The following OPA1 variants were observed in gnomAD, a reference collection of about 807,000 sequenced individuals.
OPA1 encodes the protein OPA1 mitochondrial dynamin like GTPase.
OPA1 carries 59 observed loss-of-function variants against 152.9 expected under a neutral mutation model. The ratio of observed to expected loss-of-function variants is 0.39; its 90% CI spans 0.31 to 0.48. The LOEUF is 0.48. Ranked by LOEUF, OPA1 falls within the 20% of genes least tolerant of loss-of-function variation. The pLI, the probability that OPA1 is intolerant of heterozygous loss-of-function variation, is 0.96. For synonymous variants in OPA1, 400 were observed against 389.9 expected (o/e 1.03, Z -0.31); for missense variants, 1,008 against 1,216.8 (o/e 0.83, Z 2.55).
At chr3:193,607,366 C>T (rs1727452419) in intron 1 of OPA1, among the ~76,000 whole-genome samples, 1 of 152,136 alleles carries the variant, frequency 6.6e-6, no homozygotes, top group Admixed American at 6.5e-5. Context: ...AATGGTATTG[C>T]CTAGGTTTTC....
chr3:193,619,855 TCTTTC>T (rs761771141), intron 6 of OPA1, among the ~76,000 whole-genome samples: 3 of 152,228 alleles, frequency 2.0e-5, no homozygotes, highest in Non-Finnish European at 2.9e-5. Flanking sequence ...GGTTTTCATC[TCTTTC>T]CTTGTTCTTC....
At chr3:193,619,049 C>T (rs1231461253) in intron 6 of OPA1, 113 bp downstream of exon 6, 1 of 835,100 alleles carries the variant, frequency 1.2e-6, no homozygotes, top group African/African-American at 1.7e-5. Flanking sequence ...ACAAAAACAT[C>T]CAAGTAGAGA....
intron 1 of OPA1, among the ~76,000 whole-genome samples, chr3:193,609,684 G>A (rs943312560): frequency 4.6e-5 from 7 of 152,164 alleles, no homozygotes; most frequent in Non-Finnish European, 7.3e-5. Context: ...CCAATCAGAC[G>A]TAGATTTGGT....
Position 193,658,937 on chromosome 3 carries a change from G to A in OPA1, c.2382G>A (p.Gln794=), listed in dbSNP as rs1714568963. The A allele has an allele frequency of 9.3e-6, 15 of 1,613,962 alleles. No homozygotes were observed. The highest frequency in any genetic ancestry group is 1.3e-5 in the African/African-American group (1 of 75,046). Residue 794 remains glutamine (Q), a synonymous_variant, in exon 24 of 31, where the codon CAG becomes CAA. Coordinates refer to ENST00000361510, the MANE Select transcript of OPA1 (RefSeq NM_130837.3). ...ALEDRSISDK[Q]QWDAAIYFME... ...AAGACCGATCCATATCTGATAAACA[G>A]CAATGGGATGCAGCTATTTATTTTA...
chr3:193,676,941 A>G (rs1421316713), intron 29 of OPA1, among the ~76,000 whole-genome samples: 4 of 139,316 alleles, frequency 2.9e-5, no homozygotes, highest in South Asian at 4.6e-4. Flanking sequence ...AGATCGCGCC[A>G]CTGCACTCCA....
intron 11 of OPA1, among the ~76,000 whole-genome samples, chr3:193,641,462 G>A (rs1005118928): frequency 7.8e-4 from 1 of 1,284 alleles, no homozygotes; most frequent in African/African-American, 3.9e-3. Context: ...GTAGGGTTTT[G>A]TTTTGTTTTG....
intron 21 of OPA1, among the ~76,000 whole-genome samples, chr3:193,654,355 G>A (rs981692963): frequency 6.6e-6 from 1 of 151,632 alleles, no homozygotes; most frequent in African/African-American, 2.4e-5. Flanking sequence ...AATTAGCCAG[G>A]CATAATGGCG....
At chr3:193,674,694 A>G (rs1208151685) in intron 29 of OPA1, among the ~76,000 whole-genome samples, 2 of 152,226 alleles carry the variant, frequency 1.3e-5, no homozygotes, top group Admixed American at 6.5e-5. Flanking sequence ...GAAAACATCA[A>G]GGTACCCTGG....
intron 6 of OPA1, among the ~76,000 whole-genome samples, chr3:193,622,554 C>T (rs546423083): frequency 6.6e-6 from 1 of 152,108 alleles, no homozygotes; most frequent in East Asian, 1.9e-4. Flanking sequence ...TTATGTTGTA[C>T]CTCCCCAGCT....
In OPA1 at chr3:193,653,477, GT is replaced by G. The variant is rs964660383; in HGVS notation, c.2013-1375del. Among the ~76,000 whole-genome samples the G allele has an allele frequency of 5.0e-4, 74 of 148,356 alleles. 1 individual carries two copies. The highest frequency in any genetic ancestry group is 9.4e-4 in the Admixed American group (14 of 14,836). On this transcript the variant is annotated intron_variant, in intron 21 of 30. Coordinates refer to ENST00000361510, the MANE Select transcript of OPA1 (RefSeq NM_130837.3). ...TAAGAAGGATCCCCTGATAAGCAGA[GT>G]TTTTTTTTTATATTGTAGTATTCTA... is the stretch of plus-strand genomic sequence containing the variant.
chr3:193,620,971 G>T (rs1254335637), intron 6 of OPA1, among the ~76,000 whole-genome samples: 1 of 152,162 alleles, frequency 6.6e-6, no homozygotes, highest in Non-Finnish European at 1.5e-5. Context: ...TGAAAATGTG[G>T]GCAATAATCA....
chr3:193,656,625 C>T (rs1384759276), intron 22 of OPA1, among the ~76,000 whole-genome samples: 2 of 152,142 alleles, frequency 1.3e-5, no homozygotes, highest in Non-Finnish European at 2.9e-5. Flanking sequence ...CAGTCAGACT[C>T]ATGTCTTAGA....
chr3:193,636,988 G>A (rs763292748), intron 9 of OPA1, among the ~76,000 whole-genome samples: 2 of 151,944 alleles, frequency 1.3e-5, no homozygotes, highest in African/African-American at 2.4e-5. Flanking sequence ...TTAAATCATT[G>A]TATCTAAATA....
chr3:193,681,702 G>T (rs1720160900), intron 29 of OPA1, among the ~76,000 whole-genome samples: 1 of 152,112 alleles, frequency 6.6e-6, no homozygotes, highest in South Asian at 2.1e-4. Context: ...GGTAATTCTT[G>T]CAATATTTCA....
At chr3:193,634,591 G>A (rs1269965717) in intron 8 of OPA1, among the ~76,000 whole-genome samples, 2 of 151,980 alleles carry the variant, frequency 1.3e-5, no homozygotes, top group African/African-American at 4.8e-5. Flanking sequence ...CTAATTTTTA[G>A]TAGAGACAGG....
chr3:193,646,962 G>T, intron 18 of OPA1, 103 bp from the exon 19 acceptor site: 1 of 716,704 alleles, frequency 1.4e-6, no homozygotes, highest in Non-Finnish European at 2.4e-6. Context: ...GGTATGAAAG[G>T]TAAGAGTGGC....
At chr3:193,594,330 T>C (rs1725159935) in intron 1 of OPA1, among the ~76,000 whole-genome samples, 1 of 152,178 alleles carries the variant, frequency 6.6e-6, no homozygotes, top group African/African-American at 2.4e-5. Flanking sequence ...TTTCCAGACC[T>C]TTTTAAGTGG....
chr3:193,596,330 CCTTTCCTTTT>C lies in OPA1; in HGVS notation c.32+2926_32+2935del, dbSNP rs1312193122. Among the ~76,000 whole-genome samples the C allele has an allele frequency of 1.4e-4, 17 of 121,446 alleles. 1 individual carries two copies. Among genetic ancestry groups the C allele is most frequent in the South Asian group, 6.1e-4 (2 of 3,290 alleles). 79.7% of individuals were successfully genotyped at this position (121,446 alleles called of 152,430 possible). A position where few individuals can be genotyped will look rare whatever the true frequency, so the allele number is the denominator to read the frequency against. ...CTTTTCCTTTCCTTTCCTTTCCTTT[CCTTTCCTTTT>C]CTTTTCTTTTCTTTTCTTTTCTTAA... is the stretch of plus-strand genomic sequence containing the variant. On this transcript the variant is annotated intron_variant, in intron 1 of 30. Transcript: ENST00000361510.
chr3:193,667,002 A>G (rs928109616), intron 28 of OPA1, among the ~76,000 whole-genome samples, 168 bp from the exon 29 acceptor site: 2 of 152,196 alleles, frequency 1.3e-5, no homozygotes, highest in African/African-American at 4.8e-5. Flanking sequence ...TATAGGTTTC[A>G]TGCTGATAAA....
Sources: allele counts gnomAD v4.1 joint callset (sites outside exome capture counted in the v4.1 genomes callset), GRCh38; gene constraint gnomAD v4.1.1; transcripts MANE v1.5; gene names NCBI Gene and HGNC (gene_info 2026-07-23, HGNC 2026-07-21).